The following SOX6 variants were observed in gnomAD, a reference collection of about 807,000 sequenced individuals.
SOX6 encodes SRY-box transcription factor 6.
SOX6 carries 11 observed loss-of-function variants against 97.8 expected under a neutral mutation model. The observed-to-expected ratio is 0.11, with a 90% CI of 0.07 to 0.19. The LOEUF (loss-of-function observed/expected upper bound fraction) is 0.19, where lower values mean the gene tolerates loss of function less well. Ranked by LOEUF, SOX6 falls within the 10% of genes least tolerant of loss-of-function variation. SOX6 has a pLI of 1.00. For missense variants in SOX6, 810 were observed against 1,039.5 expected (o/e 0.78, Z 3.04); for synonymous variants, 360 against 371.4 (o/e 0.97, Z 0.35).
chr11:16,252,380 GA>G (rs1386693373), intron 3 of SOX6: 2 of 152,374 alleles, frequency 1.3e-5, no homozygotes, highest in African/African-American at 2.4e-5. Context: ...TACCAGAGGA[GA>G]AACCCAGGAA....
chr11:16,412,764 C>G (rs183296264), intron 1 of SOX6, among the ~76,000 whole-genome samples: 9 of 152,264 alleles, frequency 5.9e-5, no homozygotes, highest in Admixed American at 1.3e-4. Flanking sequence ...CAGGCTCTCC[C>G]CTTTCAGTGG....
chr11:16,513,354 C>G (rs1054090737), intron 4 of SOX6, among the ~76,000 whole-genome samples: 1 of 152,162 alleles, frequency 6.6e-6, no homozygotes, highest in African/African-American at 2.4e-5. Context: ...GGAAGGGGGC[C>G]GGGCACAGTG....
chr11:16,500,988 G>A (rs555457542), intron 4 of SOX6, among the ~76,000 whole-genome samples: 3 of 152,160 alleles, frequency 2.0e-5, no homozygotes, highest in African/African-American at 7.2e-5. Context: ...CCAAAAAAGA[G>A]CCCACATTGC....
intron 13 of SOX6, among the ~76,000 whole-genome samples, chr11:15,989,967 G>A (rs1853996407): frequency 1.3e-5 from 2 of 152,138 alleles, no homozygotes; most frequent in Non-Finnish European, 2.9e-5. Flanking sequence ...CCTAGGAGAT[G>A]TGATGTCTAA....
intron 1 of SOX6, among the ~76,000 whole-genome samples, chr11:16,458,535 C>T (rs1021701433): frequency 1.8e-4 from 28 of 152,148 alleles, no homozygotes; most frequent in African/African-American, 6.7e-4. Context: ...GATAAAGCTT[C>T]ACTGATGAAC....
At chr11:16,008,073 C>T (rs1054326684) in intron 13 of SOX6, among the ~76,000 whole-genome samples, 3 of 152,034 alleles carry the variant, frequency 2.0e-5, no homozygotes, top group Non-Finnish European at 4.4e-5. Flanking sequence ...AGTCCTTGCA[C>T]ATAACCTATG....
intron 10 of SOX6, among the ~76,000 whole-genome samples, chr11:16,050,716 T>C (rs879499492): frequency 2.0e-5 from 3 of 152,188 alleles, no homozygotes; most frequent in Non-Finnish European, 4.4e-5. Context: ...CTTGTAACTG[T>C]AGTTCATCCA....
intron 4 of SOX6, among the ~76,000 whole-genome samples, chr11:16,205,054 G>T (rs1852037578): frequency 6.6e-6 from 1 of 151,988 alleles, no homozygotes; most frequent in Admixed American, 6.5e-5. Context: ...AGCAACATTG[G>T]TTCTTAATTC....
At chr11:16,700,816 G>A (rs1848087037) in intron 3 of SOX6, among the ~76,000 whole-genome samples, 1 of 151,926 alleles carries the variant, frequency 6.6e-6, no homozygotes, top group African/African-American at 2.4e-5. Context: ...CTGGTCTCTG[G>A]GTGCACCAGC....
intron 1 of SOX6, among the ~76,000 whole-genome samples, chr11:16,427,322 C>A (rs1859163489): frequency 1.8e-5 from 1 of 56,186 alleles, no homozygotes; most frequent in Non-Finnish European, 3.3e-5. Flanking sequence ...CATGACCATG[C>A]ACTTTTCTTT....
chr11:16,367,139 TA>T (rs2134386450), intron 1 of SOX6, among the ~76,000 whole-genome samples: 1 of 152,314 alleles, frequency 6.6e-6, no homozygotes, highest in South Asian at 2.1e-4. Flanking sequence ...AGATATAGTT[TA>T]GACTTTGAGA....
intron 6 of SOX6, among the ~76,000 whole-genome samples, chr11:16,152,500 C>A (rs1850484578): frequency 6.6e-6 from 1 of 152,172 alleles, no homozygotes; most frequent in South Asian, 2.1e-4. Context: ...ATACAAATTA[C>A]TATTTTCTCT....
chr11:16,282,071 A>T (rs1854580987), intron 3 of SOX6, among the ~76,000 whole-genome samples: 1 of 149,812 alleles, frequency 6.7e-6, no homozygotes, highest in Admixed American at 6.7e-5. Flanking sequence ...TACAATGCAC[A>T]CTAGATGCAA....
chr11:16,501,079 C>T (rs978641043), intron 4 of SOX6, among the ~76,000 whole-genome samples: 7 of 152,152 alleles, frequency 4.6e-5, no homozygotes, highest in African/African-American at 1.2e-4. Context: ...GCTACAGTAA[C>T]CAAAACAGCA....
At chr11:15,980,357 A>G (rs1302831673) in intron 15 of SOX6, among the ~76,000 whole-genome samples, 1 of 152,088 alleles carries the variant, frequency 6.6e-6, no homozygotes, top group Non-Finnish European at 1.5e-5. Context: ...AACTTAGGGA[A>G]GACTCCTCCA....
intron 4 of SOX6, among the ~76,000 whole-genome samples, chr11:16,606,741 T>G (rs1424657528): frequency 6.6e-6 from 1 of 152,194 alleles, no homozygotes; most frequent in East Asian, 1.9e-4. Context: ...TTGCGTTGTG[T>G]CCCTGTCCCT....
At chr11:16,319,704 T>G (rs1229984297) in intron 2 of SOX6, among the ~76,000 whole-genome samples, 1 of 152,100 alleles carries the variant, frequency 6.6e-6, no homozygotes, top group African/African-American at 2.4e-5. Flanking sequence ...AGTATTTCAT[T>G]GTGTATATGT....
chr11:16,246,870 G>A (rs1174203390), intron 3 of SOX6, among the ~76,000 whole-genome samples: 1 of 151,890 alleles, frequency 6.6e-6, no homozygotes, highest in Non-Finnish European at 1.5e-5. Flanking sequence ...AGGTAACTTG[G>A]GTATCCATCA....
intron 3 of SOX6, among the ~76,000 whole-genome samples, chr11:16,654,786 T>C (rs1359650657): frequency 2.0e-5 from 3 of 152,334 alleles, no homozygotes; most frequent in Admixed American, 2.0e-4. Flanking sequence ...AAATTAATCA[T>C]ATTATGTTCA....
Sources: gnomAD v4.1 joint callset for allele counts (sites outside exome capture counted in the v4.1 genomes callset) on GRCh38, gnomAD v4.1.1 for gene constraint, MANE v1.5 for transcripts, NCBI Gene and HGNC (gene_info 2026-07-23, HGNC 2026-07-21) for gene names.